Variants in ATF7IP2 observed in about 807,000 individuals in gnomAD.
ATF7IP2 encodes the protein activating transcription factor 7-interacting protein 2.
In ATF7IP2, 42 loss-of-function variants were observed where a neutral mutation model predicts 64.2. The observed-to-expected ratio is 0.65, with a 90% CI of 0.51 to 0.85. The LOEUF is 0.85. ATF7IP2 is among the 40% of genes least tolerant of loss of function. The pLI is 0.00. For missense variants in ATF7IP2, 933 were observed against 784.2 expected (o/e 1.19, Z -2.27); for synonymous variants, 308 against 272.8 (o/e 1.13, Z -1.27).
chr16:10,437,723 A>T (rs1379676202), intron 6 of ATF7IP2, among the ~76,000 whole-genome samples: 1 of 152,226 alleles, frequency 6.6e-6, no homozygotes, highest in Non-Finnish European at 1.5e-5. Context: ...TGGTTTTCAG[A>T]TAAGTAGAGT....
intron 8 of ATF7IP2, chr16:10,445,421 A>G (rs1313639640): frequency 6.6e-6 from 1 of 152,154 alleles, no homozygotes; most frequent in African/African-American, 2.4e-5. Context: ...CTGCAAGGTT[A>G]TTTCCTTGAC....
chr16:10,388,423 A>G (rs1330886982), intron 1 of ATF7IP2, among the ~76,000 whole-genome samples: 1 of 152,230 alleles, frequency 6.6e-6, no homozygotes, highest in Non-Finnish European at 1.5e-5. Context: ...TGAATTATTT[A>G]GAGGCATTAT....
chr16:10,457,294 TTGAAAA>T (rs2049203416), intron 8 of ATF7IP2, 72 bp from the exon 9 acceptor site: 1 of 1,317,184 alleles, frequency 7.6e-7, no homozygotes, highest in African/African-American at 1.5e-5. Flanking sequence ...CAAGAATACT[TTGAAAA>T]TGCTAATTTT....
chr16:10,443,464 A>T (rs2048698934), intron 8 of ATF7IP2, among the ~76,000 whole-genome samples: 3 of 152,196 alleles, frequency 2.0e-5, no homozygotes, highest in Admixed American at 6.5e-5. Context: ...TAGAAAGCGG[A>T]CAACCTGGGC....
intron 5 of ATF7IP2, among the ~76,000 whole-genome samples, chr16:10,431,659 A>C (rs1354774352): frequency 6.6e-6 from 1 of 152,178 alleles, no homozygotes; most frequent in Non-Finnish European, 1.5e-5. Flanking sequence ...ATTGCAAAGA[A>C]GGAATCAATC....
At chr16:10,394,628 A>G (rs1226544854) in intron 1 of ATF7IP2, among the ~76,000 whole-genome samples, 1 of 152,210 alleles carries the variant, frequency 6.6e-6, no homozygotes, top group African/African-American at 2.4e-5. Flanking sequence ...CCATGAAGCA[A>G]ACCAACACAC....
chr16:10,402,446 A>G (rs1398110561), intron 1 of ATF7IP2, among the ~76,000 whole-genome samples: 5 of 152,014 alleles, frequency 3.3e-5, no homozygotes, highest in Non-Finnish European at 5.9e-5. Context: ...GATACTTGAT[A>G]TGATTTTGAT....
At chr16:10,420,338 C>T (rs930955196) in intron 3 of ATF7IP2, among the ~76,000 whole-genome samples, 1 of 152,188 alleles carries the variant, frequency 6.6e-6, no homozygotes, top group Non-Finnish European at 1.5e-5. Context: ...ATAAGCTAGT[C>T]TCCCAAACGA....
At chr16:10,410,725 ATGT>A (rs773855675) in intron 1 of ATF7IP2, among the ~76,000 whole-genome samples, 26 of 152,174 alleles carry the variant, frequency 1.7e-4, no homozygotes, top group Non-Finnish European at 3.2e-4. Flanking sequence ...CGCCTGGCCT[ATGT>A]TGGCAATTCT....
At position 10,457,389 on chromosome 16, in the gene ATF7IP2, T is replaced by G; in HGVS notation, c.1212T>G (p.Ala404=). The G allele has an allele frequency of 6.2e-7, 1 of 1,603,784 alleles. No individual in the cohort carries two copies. Among genetic ancestry groups the G allele is most frequent in the Non-Finnish European group, 8.5e-7 (1 of 1,177,338 alleles). ...TTTAATAGGTTGCAAATTCAGAGGC[T>G]ATGATTTTGGATAAGAATCTTGAGT... ...NGASKVANSE[A]MILDKNLESV... Residue 404 remains alanine (A), a synonymous_variant, in exon 9 of 14, where the codon GCT becomes GCG. Transcript: ENST00000562102.
intron 10 of ATF7IP2, 103 bp from the exon 11 acceptor site, chr16:10,473,372 ATAAT>A (rs2142076254): frequency 1.4e-6 from 1 of 718,796 alleles, no homozygotes; most frequent in Admixed American, 2.5e-5. Flanking sequence ...TTATCACTGT[ATAAT>A]TAACAGCTAA....
chr16:10,461,835 G>GGAAAATATATTTTAATATA (rs1193060632), intron 9 of ATF7IP2, among the ~76,000 whole-genome samples: 1 of 152,008 alleles, frequency 6.6e-6, no homozygotes, highest in Non-Finnish European at 1.5e-5. Flanking sequence ...TTTATTTAAT[G>GGAAAATATATTTTAATATA]GAAAATATAT....
chr16:10,424,928 A>G (rs756464414), intron 3 of ATF7IP2, among the ~76,000 whole-genome samples: 6 of 152,208 alleles, frequency 3.9e-5, no homozygotes, highest in Non-Finnish European at 8.8e-5. Flanking sequence ...ACAGTCTGGT[A>G]GTTCCTCAGA....
chr16:10,474,555 G>C (rs890575038), intron 12 of ATF7IP2, among the ~76,000 whole-genome samples: 1 of 152,140 alleles, frequency 6.6e-6, no homozygotes, highest in African/African-American at 2.4e-5. Flanking sequence ...TGTAGACAGA[G>C]AGTGACAACA....
intron 12 of ATF7IP2, among the ~76,000 whole-genome samples, chr16:10,474,860 T>C (rs189411759): frequency 2.8e-4 from 43 of 152,252 alleles, no homozygotes; most frequent in African/African-American, 9.6e-4. Flanking sequence ...AATGACTTCA[T>C]TAAAAGGTTG....
intron 12 of ATF7IP2, among the ~76,000 whole-genome samples, 170 bp downstream of exon 12, chr16:10,474,159 A>G (rs2049916024): frequency 6.6e-6 from 1 of 152,192 alleles, no homozygotes; most frequent in Admixed American, 6.5e-5. Flanking sequence ...TCACAGTGAC[A>G]AAGCTCCTTC....
chr16:10,471,652 T>G (rs1321912656), intron 9 of ATF7IP2, among the ~76,000 whole-genome samples: 7 of 152,206 alleles, frequency 4.6e-5, no homozygotes, highest in Admixed American at 2.0e-4. Context: ...ACTGGAGAGA[T>G]AAAATGAAGA....
chr16:10,426,581 T>C (rs2048090218), intron 3 of ATF7IP2, among the ~76,000 whole-genome samples: 1 of 152,180 alleles, frequency 6.6e-6, no homozygotes, highest in Admixed American at 6.5e-5. Flanking sequence ...ATTCTTACTA[T>C]ATATTGTAAT....
At chr16:10,407,534 T>C (rs1041319148) in intron 1 of ATF7IP2, among the ~76,000 whole-genome samples, 1 of 152,210 alleles carries the variant, frequency 6.6e-6, no homozygotes, top group Non-Finnish European at 1.5e-5. Context: ...AGTTGCAGTA[T>C]ACAAAATCAC....
Sources: allele counts gnomAD v4.1 joint callset (sites outside exome capture counted in the v4.1 genomes callset), GRCh38; gene constraint gnomAD v4.1.1; transcripts MANE v1.5; gene names NCBI Gene and HGNC (gene_info 2026-07-23, HGNC 2026-07-21).